The following PGR variants were observed in gnomAD, a reference collection of about 807,000 sequenced individuals.
The protein encoded by PGR is progesterone receptor.
A neutral mutation model predicts 76.1 loss-of-function variants in PGR; 25 were observed. That is an observed-to-expected ratio of 0.33 (90% confidence interval 0.24 to 0.46). PGR has a LOEUF of 0.46. Ranked by LOEUF, PGR falls within the 20% of genes least tolerant of loss-of-function variation. The probability of loss-of-function intolerance (pLI) is 1.00; values close to 1 mark genes in which losing one functional copy is unlikely to be tolerated. For missense variants in PGR, 1,172 were observed against 1,225.3 expected (o/e 0.96, Z 0.65); for synonymous variants, 579 against 535.0 (o/e 1.08, Z -1.14).
chr11:101,037,685 G>A lies in PGR; in HGVS notation c.*1431C>T, dbSNP rs1226305548. The A allele has an allele frequency of 1.3e-5, 3 of 225,866 alleles. No homozygotes were observed. The highest frequency in any genetic ancestry group is 2.6e-5 in the Non-Finnish European group (3 of 113,528). 14.0% of individuals were successfully genotyped at this position (225,866 alleles called of 1,614,324 possible). On this transcript the variant is annotated 3_prime_UTR_variant, in exon 8 of 8. Coordinates refer to ENST00000325455, the MANE Select transcript of PGR (RefSeq NM_000926.4). Reference sequence around the variant, plus strand: ...GAGATCTCACAAAGTAGGAAGCAAAGGTGGAAAATTTAAAAGTAATGAAGA... The same window carrying A: ...GAGATCTCACAAAGTAGGAAGCAAAAGTGGAAAATTTAAAAGTAATGAAGA...
At chr11:101,093,552 C>T (rs1861744424) in intron 2 of PGR, among the ~76,000 whole-genome samples, 1 of 152,168 alleles carries the variant, frequency 6.6e-6, no homozygotes, top group South Asian at 2.1e-4. Context: ...CGTCCACCTC[C>T]TGGGTTCAAG....
At position 101,127,878 on chromosome 11, in the gene PGR, G is replaced by A; in HGVS notation, c.1193C>T (p.Ala398Val). Reference sequence around the variant, plus strand: ...CACAAGGTAGGAACGCGGGGAGCGCGCGGAGGCCTCCGCGCCTTCCTCCTC... The same window carrying A: ...CACAAGGTAGGAACGCGGGGAGCGCACGGAGGCCTCCGCGCCTTCCTCCTC... The part of the protein sequence containing the change: ...KEEEEGAEAS[A>V]RSPRSYLVAG... Residue 398 changes from alanine to valine, a missense_variant, in exon 1 of 8, where the codon GCG becomes GTG. By Grantham distance (64) the Ala-to-Val change is moderately conservative. Coordinates refer to ENST00000325455, the MANE Select transcript of PGR (RefSeq NM_000926.4). 6.2e-7 allele frequency: 1 copy of A among 1,602,724 alleles called. No individual in the cohort carries two copies.
Position 101,116,234 on chromosome 11 carries a change from A to G in PGR, c.1789+9773T>C, listed in dbSNP as rs1050263032. Among the ~76,000 whole-genome samples the G allele has an allele frequency of 1.8e-4, 27 of 152,346 alleles. No individual in the cohort carries two copies. In the East Asian group the frequency reaches 5.2e-3, roughly 29 times the overall value. ...AAGGATTCCTTAATTCATGATACAGAGTAACCTCAAGCTTTTGCTTCAATA... is the reference window on the plus strand; with the variant it reads ...AAGGATTCCTTAATTCATGATACAGGGTAACCTCAAGCTTTTGCTTCAATA... On this transcript the variant is annotated intron_variant, in intron 2 of 7. Transcript: ENST00000325455.
intron 6 of PGR, among the ~76,000 whole-genome samples, chr11:101,045,665 T>TTGTGTG (rs5794091): frequency 0.075 from 11,245 of 149,146 alleles, 427 homozygotes; most frequent in East Asian, 0.17. Context: ...CTATTCCATT[T>TTGTGTG]TGTGTGTGTG....
chr11:101,062,811 T>G, intron 3 of PGR, 59 bp from the exon 4 acceptor site: 2 of 1,160,838 alleles, frequency 1.7e-6, no homozygotes, highest in Non-Finnish European at 2.5e-6. Flanking sequence ...TATCCCAGTA[T>G]AGTATTATTT....
chr11:101,102,169 C>T (rs1353549888), intron 2 of PGR, among the ~76,000 whole-genome samples: 1 of 152,124 alleles, frequency 6.6e-6, no homozygotes, highest in Non-Finnish European at 1.5e-5. Context: ...GTAAAATACA[C>T]AATTCCTGAC....
intron 3 of PGR, among the ~76,000 whole-genome samples, chr11:101,070,390 T>C (rs1314178531): frequency 6.6e-6 from 1 of 152,070 alleles, no homozygotes; most frequent in African/African-American, 2.4e-5. Flanking sequence ...AGCACAAAAC[T>C]GGGCAGCCAT....
At chr11:101,075,192 A>G (rs1018436911) in intron 3 of PGR, among the ~76,000 whole-genome samples, 4 of 152,160 alleles carry the variant, frequency 2.6e-5, no homozygotes, top group African/African-American at 9.7e-5. Context: ...CTGATCTTTG[A>G]CAAATCTGAC....
intron 3 of PGR, among the ~76,000 whole-genome samples, chr11:101,089,677 G>A (rs1040263528): frequency 1.4e-5 from 2 of 140,314 alleles, no homozygotes; most frequent in Admixed American, 1.4e-4. Flanking sequence ...ATTAGAAAGC[G>A]ATTGAGGGAG....
chr11:101,089,842 G>A (rs1028201794), intron 3 of PGR, among the ~76,000 whole-genome samples: 8 of 151,696 alleles, frequency 5.3e-5, no homozygotes, highest in African/African-American at 1.2e-4. Context: ...GGAAGCATAG[G>A]AATAACAGGC....
intron 2 of PGR, among the ~76,000 whole-genome samples, chr11:101,105,737 C>T (rs1291064298): frequency 6.6e-6 from 1 of 152,114 alleles, no homozygotes; most frequent in Non-Finnish European, 1.5e-5. Context: ...CTTTAAACTT[C>T]ATATGGAACC....
At chr11:101,068,383 G>C (rs1565342077) in intron 3 of PGR, among the ~76,000 whole-genome samples, 1 of 152,008 alleles carries the variant, frequency 6.6e-6, no homozygotes, top group Non-Finnish European at 1.5e-5. Flanking sequence ...CAAACAAATG[G>C]AAAAACATTC....
chr11:101,102,951 A>C (rs568188890), intron 2 of PGR, among the ~76,000 whole-genome samples: 1 of 152,066 alleles, frequency 6.6e-6, no homozygotes, highest in East Asian at 2.0e-4. Context: ...TAAGGAGCAC[A>C]ACCTAGATCC....
At chr11:101,110,134 C>T (rs1442126452) in intron 2 of PGR, among the ~76,000 whole-genome samples, 1 of 152,108 alleles carries the variant, frequency 6.6e-6, no homozygotes, top group East Asian at 1.9e-4. Flanking sequence ...TGTATTCATG[C>T]CTGCTAACAC....
chr11:101,085,356 C>T (rs1428835655), intron 3 of PGR, among the ~76,000 whole-genome samples: 2 of 125,824 alleles, frequency 1.6e-5, no homozygotes, highest in African/African-American at 5.9e-5. Context: ...ACAATAAAAT[C>T]AAGGCAGAAA....
chr11:101,127,765 C>A lies in PGR; in HGVS notation c.1306G>T (p.Glu436Ter). The A allele has an allele frequency of 6.4e-7, 1 of 1,561,856 alleles. No individual in the cohort carries two copies. ...GCGGGTGCGGCCGTCACCGCCGCTT[C>A]CCCGGGTCTGGATGGGGTCGCTCGC... ...PPRATPSRPG[E>*]AAVTAAPASA... is the part of the protein sequence containing the mutation. Residue 436 changes from glutamate (E) to a stop codon, truncating the protein, a stop_gained, in exon 1 of 8, where the codon GAA (glutamate) becomes TAA (stop). Coordinates refer to ENST00000325455, the MANE Select transcript of PGR (RefSeq NM_000926.4). LOFTEE classifies it high-confidence loss of function.
chr11:101,088,346 T>TC (rs1565352230), intron 3 of PGR, among the ~76,000 whole-genome samples: 2 of 152,310 alleles, frequency 1.3e-5, no homozygotes. Flanking sequence ...CATTTTTTTT[T>TC]CTTTTGAGAC....
intron 4 of PGR, among the ~76,000 whole-genome samples, chr11:101,054,486 T>A (rs962528508): frequency 3.9e-5 from 6 of 152,158 alleles, no homozygotes; most frequent in African/African-American, 1.4e-4. Flanking sequence ...GTCAAATATT[T>A]AAGAGACTAT....
At chr11:101,083,667 C>A (rs961226644) in intron 3 of PGR, among the ~76,000 whole-genome samples, 1 of 152,142 alleles carries the variant, frequency 6.6e-6, no homozygotes, top group African/African-American at 2.4e-5. Context: ...TTAATGACTG[C>A]CCTGCTGGGT....
Sources: gnomAD v4.1 joint callset for allele counts (sites outside exome capture counted in the v4.1 genomes callset) on GRCh38, gnomAD v4.1.1 for gene constraint, MANE v1.5 for transcripts, NCBI Gene and HGNC (gene_info 2026-07-23, HGNC 2026-07-21) for gene names.